The following ADCY8 variants were observed in gnomAD, a reference collection of about 807,000 sequenced individuals.
ADCY8 encodes the protein adenylate cyclase type 8.
Under a neutral mutation model 119.7 loss-of-function variants are expected in ADCY8, and 51 were observed. The observed-to-expected ratio is 0.43, with a 90% confidence interval of 0.34 to 0.54. The LOEUF is 0.54. Among genes scored for constraint, ADCY8 ranks in the 20% least tolerant of loss-of-function variants. The pLI is 0.03. For synonymous variants in ADCY8, 665 were observed against 651.0 expected, an observed-to-expected ratio of 1.02 and a Z score of -0.33; for missense variants, 1,383 against 1,598.8, an observed-to-expected ratio of 0.87 and a Z score of 2.30.
chr8:130,842,448 A>C (rs1817174463), intron 11 of ADCY8, among the ~76,000 whole-genome samples: 2 of 152,100 alleles, frequency 1.3e-5, no homozygotes, highest in African/African-American at 4.8e-5. Context: ...AGTTGTCCCC[A>C]GTACTGCTTT....
intron 3 of ADCY8, among the ~76,000 whole-genome samples, chr8:130,944,396 A>C (rs564994534): frequency 7.2e-5 from 11 of 152,344 alleles, no homozygotes; most frequent in African/African-American, 2.6e-4. Context: ...TGAAAGTGAG[A>C]TGTGTCTTAC....
chr8:130,872,297 T>C (rs1479601648), intron 8 of ADCY8, among the ~76,000 whole-genome samples: 1 of 152,218 alleles, frequency 6.6e-6, no homozygotes, highest in African/African-American at 2.4e-5. Flanking sequence ...AGGTCTTGTT[T>C]ATAATATCCT....
At chr8:130,854,534 A>G (rs546906121) in intron 9 of ADCY8, among the ~76,000 whole-genome samples, 95 of 152,328 alleles carry the variant, frequency 6.2e-4, no homozygotes, top group African/African-American at 2.2e-3. Context: ...TACAGACTCT[A>G]TGGGTACAAT....
At chr8:130,996,523 G>A (rs1251423854) in intron 1 of ADCY8, among the ~76,000 whole-genome samples, 3 of 151,922 alleles carry the variant, frequency 2.0e-5, no homozygotes, top group Non-Finnish European at 4.4e-5. Flanking sequence ...ATGCTGTATA[G>A]AAACAGACAA....
chr8:131,034,880 A>G (rs1824102748), intron 1 of ADCY8, among the ~76,000 whole-genome samples: 1 of 152,166 alleles, frequency 6.6e-6, no homozygotes, highest in Non-Finnish European at 1.5e-5. Context: ...CCACCATCTT[A>G]TCACTAATGA....
intron 12 of ADCY8, among the ~76,000 whole-genome samples, chr8:130,834,700 A>G (rs908599922): frequency 2.0e-5 from 3 of 152,218 alleles, no homozygotes; most frequent in African/African-American, 4.8e-5. Flanking sequence ...AATGAAATCC[A>G]TATATATCAA....
intron 5 of ADCY8, among the ~76,000 whole-genome samples, chr8:130,925,540 C>T (rs888147087): frequency 1.3e-5 from 2 of 152,138 alleles, no homozygotes; most frequent in African/African-American, 2.4e-5. Context: ...CAGGGTAGGT[C>T]TGTTGCTGCC....
intron 1 of ADCY8, among the ~76,000 whole-genome samples, chr8:131,015,137 T>G (rs1408608174): frequency 6.6e-6 from 1 of 152,184 alleles, no homozygotes; most frequent in Non-Finnish European, 1.5e-5. Flanking sequence ...TTTCTTCAAT[T>G]TGGTGAGAGC....
At chr8:130,869,652 G>A (rs1280590590) in intron 8 of ADCY8, among the ~76,000 whole-genome samples, 1 of 151,408 alleles carries the variant, frequency 6.6e-6, no homozygotes, top group African/African-American at 2.4e-5. Context: ...CGAGTAGCTG[G>A]GACTACAGGC....
At chr8:130,807,759 C>A (rs979355249) in intron 14 of ADCY8, among the ~76,000 whole-genome samples, 1 of 151,466 alleles carries the variant, frequency 6.6e-6, no homozygotes, top group Non-Finnish European at 1.5e-5. Flanking sequence ...CCGAGGCGGG[C>A]GGATCACGAG....
chr8:130,836,811 G>A (rs1171769824), intron 11 of ADCY8, among the ~76,000 whole-genome samples: 2 of 152,044 alleles, frequency 1.3e-5, no homozygotes, highest in Admixed American at 1.3e-4. Flanking sequence ...TCGGCTTACT[G>A]CAACCTCCTC....
chr8:131,019,797 TTCTCTCTCTCTCTCTCTCTC>T (rs61010907), intron 1 of ADCY8, among the ~76,000 whole-genome samples: 1 of 104,910 alleles, frequency 9.5e-6, no homozygotes, highest in Non-Finnish European at 1.9e-5. Flanking sequence ...ATGGAACAAA[TTCTCTCTCTCTCTCTCTCTC>T]TCTCTCTCTC....
intron 11 of ADCY8, among the ~76,000 whole-genome samples, chr8:130,844,841 A>G (rs1002295120): frequency 1.3e-5 from 2 of 152,188 alleles, no homozygotes; most frequent in Non-Finnish European, 2.9e-5. Flanking sequence ...ACATCAATCC[A>G]TATTCATTTT....
At chr8:130,937,226 AG>A in intron 4 of ADCY8, 26 bp from the exon 5 acceptor site, 1 of 1,608,266 alleles carries the variant, frequency 6.2e-7, no homozygotes, top group East Asian at 2.2e-5. Context: ...TAAGAGGGAA[AG>A]GTCTATGTCA....
intron 17 of ADCY8, among the ~76,000 whole-genome samples, chr8:130,782,857 T>C (rs1042475906): frequency 6.6e-6 from 1 of 152,218 alleles, no homozygotes; most frequent in Non-Finnish European, 1.5e-5. Flanking sequence ...TAAAGTAAAA[T>C]GGCATATCAG....
chr8:130,788,460 T>A (rs1396148401), intron 15 of ADCY8, among the ~76,000 whole-genome samples: 1 of 151,806 alleles, frequency 6.6e-6, no homozygotes, highest in Non-Finnish European at 1.5e-5. Context: ...AAGTAGAGAG[T>A]CAATGGTGGG....
chr8:130,798,826 A>G (rs951061323), intron 15 of ADCY8, among the ~76,000 whole-genome samples: 24 of 152,332 alleles, frequency 1.6e-4, no homozygotes, highest in African/African-American at 3.8e-4. Context: ...TGTTCACAAC[A>G]GGCAAAATAC....
chr8:131,023,078 C>A (rs1238021343), intron 1 of ADCY8, among the ~76,000 whole-genome samples: 1 of 152,152 alleles, frequency 6.6e-6, no homozygotes, highest in African/African-American at 2.4e-5. Context: ...TAATCCTCAA[C>A]TTCTTCATTT....
At chr8:131,037,664 AGGAGGAAGG>A (rs2130818803) in intron 1 of ADCY8, among the ~76,000 whole-genome samples, 1 of 152,324 alleles carries the variant, frequency 6.6e-6, no homozygotes, top group South Asian at 2.1e-4. Flanking sequence ...AGGAAAAAGA[AGGAGGAAGG>A]GGAGGAAGAC....
Sources: allele counts gnomAD v4.1 joint callset (sites outside exome capture counted in the v4.1 genomes callset), GRCh38; gene constraint gnomAD v4.1.1; transcripts MANE v1.5; gene names NCBI Gene and HGNC (gene_info 2026-07-23, HGNC 2026-07-21).